Variants in SCLT1 observed in about 807,000 individuals in gnomAD.
SCLT1 encodes sodium channel-associated protein 1.
Under a neutral mutation model 112.8 loss-of-function variants are expected in SCLT1, and 78 were observed. That is an observed-to-expected ratio of 0.69 (90% CI 0.58 to 0.83). SCLT1 has a LOEUF of 0.83. Among genes scored for constraint, SCLT1 ranks in the 40% least tolerant of loss-of-function variants. SCLT1 has a pLI of 0.00. For missense variants in SCLT1, 747 were observed against 770.4 expected (o/e 0.97, Z 0.36); for synonymous variants, 257 against 254.7 (o/e 1.01, Z -0.09).
At chr4:128,898,422 T>C (rs1041854218) in intron 18 of SCLT1, among the ~76,000 whole-genome samples, 1 of 152,140 alleles carries the variant, frequency 6.6e-6, no homozygotes, top group African/African-American at 2.4e-5. Flanking sequence ...CCTGAATGAC[T>C]ACTGGGTACA....
intron 9 of SCLT1, among the ~76,000 whole-genome samples, chr4:128,985,150 C>T (rs192064354): frequency 9.2e-5 from 14 of 152,208 alleles, no homozygotes; most frequent in Admixed American, 5.2e-4. Context: ...CAATTCTCTA[C>T]TTCCACAAAT....
At chr4:128,948,460 G>A in intron 15 of SCLT1, 36 bp downstream of exon 15, 2 of 1,593,454 alleles carry the variant, frequency 1.3e-6, no homozygotes, top group Non-Finnish European at 1.7e-6. Flanking sequence ...ATTTGCAGTT[G>A]GGTTTTAGGT....
At chr4:129,069,764 C>T (rs1015047288) in intron 2 of SCLT1, among the ~76,000 whole-genome samples, 2 of 152,044 alleles carry the variant, frequency 1.3e-5, no homozygotes, top group African/African-American at 2.4e-5. Context: ...CTTGTCTGAT[C>T]GCTCTGGCTA....
intron 2 of SCLT1, among the ~76,000 whole-genome samples, chr4:129,080,997 G>C (rs6829335): frequency 6.6e-6 from 1 of 152,054 alleles, no homozygotes; most frequent in South Asian, 2.1e-4. Flanking sequence ...TTTATGCCCC[G>C]AGAGCATAAC....
intron 9 of SCLT1, among the ~76,000 whole-genome samples, chr4:128,983,135 G>C (rs902834269): frequency 2.0e-5 from 3 of 152,100 alleles, no homozygotes; most frequent in Non-Finnish European, 2.9e-5. Context: ...TGATCCGCCC[G>C]CCTCAGCCTC....
chr4:128,987,321 A>G (rs547152170), intron 9 of SCLT1, among the ~76,000 whole-genome samples: 2 of 152,298 alleles, frequency 1.3e-5, no homozygotes, highest in East Asian at 3.9e-4. Context: ...GAACATCCAG[A>G]AAAACATGAC....
chr4:129,070,659 T>C lies in SCLT1; in HGVS notation c.102+11647A>G, dbSNP rs894202582. 4.0e-4 allele frequency among the ~76,000 whole-genome samples: 61 copies of C among 152,200 alleles called. 1 individual carries two copies. Among genetic ancestry groups the C allele is most frequent in the Non-Finnish European group, 1.0e-4 (7 of 68,028 alleles). On this transcript the variant is annotated intron_variant, in intron 2 of 20. Coordinates refer to ENST00000281142, the MANE Select transcript of SCLT1 (RefSeq NM_144643.4). ...TGGATTTTCTCCCTTCTTTTCTTGG[T>C]TAATCTTGTTAATGGTCTATCAATT... is the stretch of plus-strand genomic sequence containing the variant.
intron 13 of SCLT1, 145 bp from the exon 14 acceptor site, chr4:128,952,985 A>G (rs1431916983): frequency 3.4e-6 from 2 of 592,820 alleles, no homozygotes; most frequent in Admixed American, 3.0e-5. Flanking sequence ...AATATATTAA[A>G]GAGCCAAGAA....
rs1242778173 is a variant in SCLT1, at chr4:129,003,624, T to TAA, written c.426+115_426+116dup. Reference sequence around the variant, plus strand: ...TACCTGTAACGATTCTTATAAACTGTAAAAAATCATAATGTTACAATTTTA... The same window carrying TAA: ...TACCTGTAACGATTCTTATAAACTGTAAAAAAAATCATAATGTTACAATTTTA... On this transcript the variant is annotated intron_variant, in intron 6 of 20. Transcript: ENST00000281142. 4.7e-6 allele frequency: 4 copies of TAA among 860,064 alleles called. No individual in the cohort carries two copies. In the East Asian group the frequency reaches 1.1e-4, roughly 24 times the overall value. 53.3% of individuals were successfully genotyped at this position (860,064 alleles called of 1,614,324 possible). A position where few individuals can be genotyped will look rare whatever the true frequency, so the allele number is the denominator to read the frequency against.
At chr4:128,938,948 C>G (rs946996285) in intron 17 of SCLT1, among the ~76,000 whole-genome samples, 5 of 152,154 alleles carry the variant, frequency 3.3e-5, no homozygotes, top group Admixed American at 3.3e-4. Flanking sequence ...CGCCATTGCA[C>G]TCTAGCCTGG....
downstream of SCLT1, among the ~76,000 whole-genome samples, chr4:128,879,119 A>G (rs1732586609): frequency 6.6e-6 from 1 of 151,198 alleles, no homozygotes; most frequent in Admixed American, 6.6e-5. Context: ...CTAGAACTTA[A>G]AGTATTAAAA....
At chr4:128,963,980 T>C (rs1449925601) in intron 11 of SCLT1, among the ~76,000 whole-genome samples, 2 of 152,166 alleles carry the variant, frequency 1.3e-5, no homozygotes, top group East Asian at 1.9e-4. Context: ...ACTTTTAGCA[T>C]CTGGTTAAAA....
chr4:129,039,906 A>G lies in SCLT1; in HGVS notation c.235-810T>C, dbSNP rs1427418547. 832 of 158,808 alleles carry G rather than the reference A, an allele frequency of 5.2e-3. 2 individuals are homozygous for G. The highest frequency in any genetic ancestry group is 0.016 in the South Asian group (120 of 7,614). 9.8% of individuals were successfully genotyped at this position (158,808 alleles called of 1,614,324 possible). A position where few individuals can be genotyped will look rare whatever the true frequency, so the allele number is the denominator to read the frequency against. On this transcript the variant is annotated intron_variant, in intron 4 of 20. Coordinates refer to ENST00000281142, the MANE Select transcript of SCLT1 (RefSeq NM_144643.4). ...ATGGAGAGTGTGCGCGCGCGCACAC[A>G]CACACACACACACACACACACACAC... is the stretch of plus-strand genomic sequence containing the variant.
chr4:129,090,704 T>C (rs1287317588), intron 1 of SCLT1, among the ~76,000 whole-genome samples: 1 of 152,216 alleles, frequency 6.6e-6, no homozygotes, highest in Non-Finnish European at 1.5e-5. Context: ...ACCCCACTAA[T>C]GAATGAATTC....
In SCLT1 at chr4:129,039,105, A is replaced by G; in HGVS notation, c.235-9T>C. 6.3e-7 allele frequency: 1 copy of G among 1,589,136 alleles called. No individual in the cohort carries two copies. Among genetic ancestry groups the G allele is most frequent in the Non-Finnish European group, 8.6e-7 (1 of 1,158,024 alleles). On this transcript the variant is annotated splice_polypyrimidine_tract_variant and intron_variant, in intron 4 of 20. Coordinates refer to ENST00000281142, the MANE Select transcript of SCLT1 (RefSeq NM_144643.4). The stretch of plus-strand genomic sequence containing the variant: ...ATCTCACCCACCTGTTTCTGAAAGA[A>G]TAAAATATGGTGTGGCAATACATTT...
chr4:129,025,344 G>T (rs1228536974), intron 5 of SCLT1, among the ~76,000 whole-genome samples: 39 of 152,206 alleles, frequency 2.6e-4, no homozygotes, highest in Middle Eastern at 3.4e-3. Context: ...GACTAACAGC[G>T]GATCTCTTGG....
intron 9 of SCLT1, among the ~76,000 whole-genome samples, chr4:128,981,784 T>C (rs1283642748): frequency 7.9e-5 from 12 of 151,676 alleles, no homozygotes; most frequent in Admixed American, 7.2e-4. Context: ...GACAGATGTA[T>C]GTGCAGTCTA....
In SCLT1 at chr4:128,987,193, CT is replaced by C. The variant is rs555383983; in HGVS notation, c.686+4973del. Among the ~76,000 whole-genome samples the C allele has an allele frequency of 3.3e-5, 5 of 152,254 alleles. No individual in the cohort carries two copies. In the South Asian group the frequency reaches 8.3e-4, roughly 25 times the overall value. The stretch of plus-strand genomic sequence containing the variant: ...AGGCTTAGGCCAAAACACTCAATCT[CT>C]TTTGGATTCGTGGAAAGCCCACTCT... On this transcript the variant is annotated intron_variant, in intron 9 of 20. Coordinates refer to ENST00000281142, the MANE Select transcript of SCLT1 (RefSeq NM_144643.4).
chr4:128,891,170 A>G (rs1319900901), intron 18 of SCLT1, 33 bp from the exon 19 acceptor site: 1 of 1,460,706 alleles, frequency 6.8e-7, no homozygotes, highest in South Asian at 1.2e-5. Flanking sequence ...CATTAATATA[A>G]TTGTTCCAAA....
Sources: allele counts gnomAD v4.1 joint callset (sites outside exome capture counted in the v4.1 genomes callset), GRCh38; gene constraint gnomAD v4.1.1; transcripts MANE v1.5; gene names NCBI Gene and HGNC (gene_info 2026-07-23, HGNC 2026-07-21).